Variants in STRBP observed in about 807,000 individuals in gnomAD.
The protein encoded by STRBP is spermatid perinuclear RNA binding protein.
Under a neutral mutation model 80.1 loss-of-function variants are expected in STRBP, and 13 were observed. That is an observed-to-expected ratio of 0.16 (90% CI 0.11 to 0.26). The LOEUF (loss-of-function observed/expected upper bound fraction) is 0.26, where lower values mean the gene tolerates loss of function less well. Among genes scored for constraint, STRBP ranks in the 10% least tolerant of loss-of-function variants. STRBP has a pLI of 1.00. For missense variants in STRBP, 485 were observed against 815.2 expected (o/e 0.59, Z 4.93); for synonymous variants, 284 against 291.2 (o/e 0.98, Z 0.25).
At chr9:123,216,211 C>T (rs2039892330) in intron 2 of STRBP, among the ~76,000 whole-genome samples, 1 of 152,162 alleles carries the variant, frequency 6.6e-6, no homozygotes, top group Non-Finnish European at 1.5e-5. Flanking sequence ...GAAGACCTCC[C>T]ATATCTCACA....
At position 123,197,003 on chromosome 9, in the gene STRBP, C is replaced by A. The variant is rs186708331; in HGVS notation, c.-164-12705G>T. The stretch of plus-strand genomic sequence containing the variant: ...AGCAACCTAAATGTCCGTGAAGAGA[C>A]GAATGAATAAAGTAAATATGGTACA... On this transcript the variant is annotated intron_variant, in intron 2 of 18. Coordinates refer to ENST00000348403, the MANE Select transcript of STRBP (RefSeq NM_018387.5). 7.2e-5 allele frequency among the ~76,000 whole-genome samples: 11 copies of A among 152,044 alleles called. No individual in the cohort carries two copies. The East Asian group carries it at 2.1e-3, about 29-fold the overall frequency.
intron 3 of STRBP, among the ~76,000 whole-genome samples, chr9:123,180,397 A>C (rs987795238): frequency 6.6e-6 from 1 of 152,190 alleles, no homozygotes; most frequent in African/African-American, 2.4e-5. Flanking sequence ...CAAGGCCTTT[A>C]ATTTTTTAAA....
intron 6 of STRBP, chr9:123,168,244 T>C (rs764693490): frequency 1.3e-4 from 126 of 982,418 alleles, no homozygotes; most frequent in Non-Finnish European, 1.5e-4. Flanking sequence ...CTACAGTTAA[T>C]GGTGAACTGT....
At chr9:123,160,099 A>T (rs2037460981) in intron 8 of STRBP, among the ~76,000 whole-genome samples, 1 of 152,236 alleles carries the variant, frequency 6.6e-6, no homozygotes, top group Non-Finnish European at 1.5e-5. Context: ...GTAAGAAGAC[A>T]CTCACTTCTA....
chr9:123,111,583 T>G (rs1588428711), intron 3 of STRBP: 1 of 479,580 alleles, frequency 2.1e-6, no homozygotes, highest in African/African-American at 2.0e-5. Flanking sequence ...TGTCTGTAAG[T>G]AACTCCACTG....
intron 18 of STRBP, 75 bp downstream of exon 18, chr9:123,128,139 A>G: frequency 6.4e-7 from 1 of 1,555,208 alleles, no homozygotes; most frequent in Non-Finnish European, 8.9e-7. Context: ...ATTTACAAAA[A>G]CCCTAGATAG....
At chr9:123,202,344 A>G (rs929085392) in intron 2 of STRBP, among the ~76,000 whole-genome samples, 1 of 152,152 alleles carries the variant, frequency 6.6e-6, no homozygotes, top group Non-Finnish European at 1.5e-5. Context: ...ACTTTGGTGT[A>G]TATCAGGCTT....
chr9:123,248,232 C>T (rs1034797168), intron 1 of STRBP, among the ~76,000 whole-genome samples: 3 of 148,388 alleles, frequency 2.0e-5, no homozygotes, highest in African/African-American at 4.9e-5. Context: ...TATCAAATAG[C>T]AATAACAGAC....
intron 1 of STRBP, among the ~76,000 whole-genome samples, chr9:123,252,619 G>T (rs753725897): frequency 1.3e-5 from 2 of 152,136 alleles, no homozygotes; most frequent in Non-Finnish European, 2.9e-5. Context: ...AGATATTAGC[G>T]AAAGTCACAA....
In STRBP at chr9:123,122,087, G is replaced by A. The variant is rs1404570832; in HGVS notation, c.*3510C>T. On this transcript the variant is annotated 3_prime_UTR_variant, in exon 19 of 19. Coordinates refer to ENST00000348403, the MANE Select transcript of STRBP (RefSeq NM_018387.5). ...ACCATACAATTTTTAAAGGTAATGC[G>A]ATGACATATGACCTAAGAGATCAAA... The A allele has an allele frequency of 4.8e-6, 1 of 208,650 alleles. No homozygotes were observed. The highest frequency in any genetic ancestry group is 9.8e-6 in the Non-Finnish European group (1 of 101,940). The allele number at this position is 208,650 out of a possible 1,614,324, so 12.9% of individuals were successfully genotyped here.
intron 1 of STRBP, among the ~76,000 whole-genome samples, chr9:123,266,424 G>A (rs147694621): frequency 2.9e-3 from 447 of 151,976 alleles, no homozygotes; most frequent in African/African-American, 9.6e-3. Context: ...CATCATTCCA[G>A]GATCCAGGTC....
intron 2 of STRBP, among the ~76,000 whole-genome samples, chr9:123,200,840 C>G (rs1219168878): frequency 1.3e-5 from 2 of 149,202 alleles, no homozygotes; most frequent in Non-Finnish European, 3.0e-5. Context: ...CTCGGCCTCC[C>G]AACATGCTGG....
At chr9:123,265,083 C>G (rs1035509199) in intron 1 of STRBP, among the ~76,000 whole-genome samples, 2 of 152,104 alleles carry the variant, frequency 1.3e-5, no homozygotes, top group African/African-American at 4.8e-5. Flanking sequence ...ACATTATACT[C>G]TAAAAATCTT....
At chr9:123,128,766 A>C (rs955977608) in intron 17 of STRBP, among the ~76,000 whole-genome samples, 70 of 152,238 alleles carry the variant, frequency 4.6e-4, no homozygotes, top group Non-Finnish European at 1.0e-4. Flanking sequence ...GAGCAGGCTG[A>C]GGTCTCAATG....
chr9:123,115,025 C>A lies in STRBP; in HGVS notation c.*84+904G>T. 2.7e-6 allele frequency: 1 copy of A among 369,180 alleles called. No individual in the cohort carries two copies. Among genetic ancestry groups the A allele is most frequent in the South Asian group, 2.1e-5 (1 of 47,168 alleles). The allele number at this position is 369,180 out of a possible 1,614,324, so 22.9% of individuals were successfully genotyped here. A position where few individuals can be genotyped will look rare whatever the true frequency, so the allele number is the denominator to read the frequency against. On this transcript the variant is annotated intron_variant and NMD_transcript_variant, in intron 3 of 3. Coordinates refer to the STRBP transcript ENST00000471564. The surrounding 1 kb of genome is among the most constrained non-coding windows in gnomAD (Gnocchi z 5.0). ...CTGACTCTGGTCCTTGGCTATCCAA[C>A]TGTCCCAATCGACCCTCTGGAACTC...
intron 1 of STRBP, among the ~76,000 whole-genome samples, chr9:123,267,863 A>C (rs1588172538): frequency 7.6e-5 from 2 of 26,406 alleles, no homozygotes; most frequent in East Asian, 1.4e-3. Flanking sequence ...CTTGAACCCC[A>C]CAATATAGTG....
intron 1 of STRBP, among the ~76,000 whole-genome samples, chr9:123,261,479 C>A (rs1406560784): frequency 2.6e-5 from 4 of 152,138 alleles, no homozygotes; most frequent in African/African-American, 9.7e-5. Flanking sequence ...ACAGCCATCA[C>A]AGGGACCAAA....
chr9:123,263,524 CAA>C (rs775297049), intron 1 of STRBP, among the ~76,000 whole-genome samples: 9 of 64,218 alleles, frequency 1.4e-4, no homozygotes, highest in East Asian at 3.5e-4. Context: ...GACCCTGTCT[CAA>C]AAAAAAAAAA....
chr9:123,177,411 C>T (rs2038268634), intron 4 of STRBP, among the ~76,000 whole-genome samples: 1 of 151,018 alleles, frequency 6.6e-6, no homozygotes, highest in Non-Finnish European at 1.5e-5. Flanking sequence ...AAACGAAATT[C>T]TTTTTTTTTA....
Sources: gnomAD v4.1 joint callset for allele counts (sites outside exome capture counted in the v4.1 genomes callset) on GRCh38, gnomAD v4.1.1 for gene constraint, Gnocchi (gnomAD v3.1) non-coding constraint, MANE v1.5 for transcripts, NCBI Gene and HGNC (gene_info 2026-07-23, HGNC 2026-07-21) for gene names.